BLID: variants seen among roughly 807,000 people sequenced by gnomAD.
BLID encodes BH3-like motif-containing cell death inducer.
For synonymous variants in BLID, 47 were observed against 49.6 expected (o/e 0.95, Z 0.22); for missense variants, 136 against 127.9 (o/e 1.06, Z -0.31).
chr11:122,116,006 T>C lies in BLID; in HGVS notation c.-84A>G, dbSNP rs1360377974. On this transcript the variant is annotated 5_prime_UTR_variant, in exon 1 of 1. Coordinates refer to ENST00000560104, the MANE Select transcript of BLID (RefSeq NM_001001786.3). ...AAGTTTTTATAAGGCAGATCTCATA[T>C]GGACTATGCTTTGCATAAGCACGGT... is the stretch of plus-strand genomic sequence containing the variant. 35 of 985,740 alleles carry C rather than the reference T, an allele frequency of 3.6e-5. No homozygotes were observed. Among genetic ancestry groups the C allele is most frequent in the Non-Finnish European group, 5.3e-5 (35 of 658,344 alleles). 61.1% of individuals were successfully genotyped at this position (985,740 alleles called of 1,614,324 possible). A position where few individuals can be genotyped will look rare whatever the true frequency, so the allele number is the denominator to read the frequency against.
At position 122,115,654 on chromosome 11, in the gene BLID, G is replaced by C. The variant is rs199726224; in HGVS notation, c.269C>G (p.Ser90Cys). 5 of 1,614,010 alleles carry C rather than the reference G, an allele frequency of 3.1e-6. No individual in the cohort carries two copies. Among genetic ancestry groups the C allele is most frequent in the Non-Finnish European group, 4.2e-6 (5 of 1,179,952 alleles). ...NVPGHVLQRPSYLTRIQVTLL... is the reference protein window; with the variant it reads ...NVPGHVLQRPCYLTRIQVTLL... Reference sequence around the variant, plus strand: ...TGTAACTTGTATCCTGGTTAAATAGGAAGGTCTCTGAAGCACATGTCCAGG... The same window carrying C: ...TGTAACTTGTATCCTGGTTAAATAGCAAGGTCTCTGAAGCACATGTCCAGG... The change falls in exon 1 of 1, where the codon TCC becomes TGC. Residue 90 changes from serine to cysteine, a missense_variant. Ser to Cys is a moderately radical substitution (Grantham distance 112). Coordinates refer to ENST00000560104, the MANE Select transcript of BLID (RefSeq NM_001001786.3).
At position 122,115,603 on chromosome 11, in the gene BLID, G is replaced by A. The variant is rs1941187126; in HGVS notation, c.320C>T (p.Ala107Val). ...VTLLCNSSAE[A>V]L ...TGTCCTAACTCACTCCTTTTACAGG[G>A]CCTCAGCAGAGGAATTGCATAACAA... The change falls in exon 1 of 1, where the codon GCC becomes GTC. Residue 107 changes from alanine to valine, a missense_variant. Ala to Val is a moderately conservative substitution (Grantham distance 64, BLOSUM62 0). Transcript: ENST00000560104. The A allele has an allele frequency of 1.2e-6, 2 of 1,611,094 alleles. No homozygotes were observed. Among genetic ancestry groups the A allele is most frequent in the Non-Finnish European group, 1.7e-6 (2 of 1,177,282 alleles).
Sources: gnomAD v4.1 joint callset for allele counts on GRCh38, gnomAD v4.1.1 for gene constraint, MANE v1.5 for transcripts, NCBI Gene and HGNC (gene_info 2026-07-23, HGNC 2026-07-21) for gene names.